The following BCL2L13 variants were observed in gnomAD, a reference collection of about 807,000 sequenced individuals.
The protein encoded by BCL2L13 is BCL2 like 13.
In BCL2L13, 13 loss-of-function variants were observed where a neutral mutation model predicts 25.8. The ratio of observed to expected loss-of-function variants is 0.50; its 90% CI spans 0.33 to 0.80. The LOEUF is 0.80. Among genes scored for constraint, BCL2L13 ranks in the 30% least tolerant of loss-of-function variants. The pLI is 0.02. For synonymous variants in BCL2L13, 244 were observed against 230.3 expected (o/e 1.06, Z -0.54); for missense variants, 504 against 574.9 (o/e 0.88, Z 1.26).
intron 3 of BCL2L13, among the ~76,000 whole-genome samples, chr22:17,684,040 C>T (rs2587072): frequency 0.14 from 21,175 of 151,942 alleles, 2,033 homozygotes; most frequent in Non-Finnish European, 0.21. Context: ...GACGACTACA[C>T]AGCATTTGCA....
At chr22:17,723,181 CCT>C (rs199583742) in intron 6 of BCL2L13, among the ~76,000 whole-genome samples, 1,822 of 152,152 alleles carry the variant, frequency 0.012, 45 homozygotes, top group African/African-American at 0.042. Context: ...TCCCTCTCTC[CCT>C]CTCTCTTTCT....
At chr22:17,639,377 C>T (rs1055971139) in intron 1 of BCL2L13, among the ~76,000 whole-genome samples, 1 of 152,240 alleles carries the variant, frequency 6.6e-6, no homozygotes, top group African/African-American at 2.4e-5. Flanking sequence ...CACTGCTGTT[C>T]TGACACCTAT....
intron 1 of BCL2L13, among the ~76,000 whole-genome samples, chr22:17,629,394 T>A (rs916755672): frequency 6.6e-6 from 1 of 152,078 alleles, no homozygotes; most frequent in Non-Finnish European, 1.5e-5. Context: ...ATGCTCAACT[T>A]CCTTATTAGG....
Position 17,702,688 on chromosome 22 carries a change from A to T in BCL2L13, c.600+302A>T, listed in dbSNP as rs941954337. 38 of 212,778 alleles carry T rather than the reference A, an allele frequency of 1.8e-4. 1 individual carries two copies. The East Asian group carries it at 3.7e-3, about 21-fold the overall frequency. 13.2% of individuals were successfully genotyped at this position (212,778 alleles called of 1,614,324 possible). A position where few individuals can be genotyped will look rare whatever the true frequency, so the allele number is the denominator to read the frequency against. ...GTTCAGTTGTTTATAAATTTTCCTT[A>T]TATGTTCTTTGACCCTTGAATTACT... is the stretch of plus-strand genomic sequence containing the variant. On this transcript the variant is annotated intron_variant, in intron 6 of 6. Transcript: ENST00000317582.
intron 2 of BCL2L13, among the ~76,000 whole-genome samples, chr22:17,656,370 G>A (rs1322656773): frequency 3.5e-5 from 1 of 28,764 alleles, no homozygotes. Flanking sequence ...TTTTTTTTTG[G>A]GACAGAGTCT....
chr22:17,651,779 C>G (rs1168104085), intron 1 of BCL2L13, among the ~76,000 whole-genome samples: 1 of 152,116 alleles, frequency 6.6e-6, no homozygotes, highest in Admixed American at 6.6e-5. Flanking sequence ...CAAGCTCCGC[C>G]TCCCGGGTTC....
intron 6 of BCL2L13, among the ~76,000 whole-genome samples, chr22:17,721,835 T>C (rs2082937437): frequency 6.6e-6 from 1 of 152,158 alleles, no homozygotes; most frequent in Non-Finnish European, 1.5e-5. Context: ...TAATTTTTTA[T>C]GTTTTTAGTA....
chr22:17,646,932 CATATAT>C (rs1170982043), intron 1 of BCL2L13, among the ~76,000 whole-genome samples: 19 of 32,440 alleles, frequency 5.9e-4, no homozygotes, highest in African/African-American at 1.7e-3. Flanking sequence ...GTATAAACTA[CATATAT>C]ATATATATAT....
chr22:17,726,630 T>G, intron 6 of BCL2L13, 47 bp from the exon 7 acceptor site: 6 of 1,567,062 alleles, frequency 3.8e-6, no homozygotes, highest in Middle Eastern at 1.7e-4. Flanking sequence ...GTTTATGTTT[T>G]AAATAGTTAC....
chr22:17,697,179 C>T (rs1201166879), intron 5 of BCL2L13, among the ~76,000 whole-genome samples: 2 of 151,940 alleles, frequency 1.3e-5, no homozygotes, highest in Admixed American at 6.6e-5. Context: ...TGGCTCATGC[C>T]TGTAATCCCA....
At chr22:17,724,865 C>A (rs1193142254) in intron 6 of BCL2L13, among the ~76,000 whole-genome samples, 2 of 152,144 alleles carry the variant, frequency 1.3e-5, no homozygotes, top group Non-Finnish European at 2.9e-5. Context: ...TGCGCCTTAC[C>A]CTCTGGGTTG....
chr22:17,689,200 C>A, intron 4 of BCL2L13, 58 bp downstream of exon 4: 2 of 1,561,292 alleles, frequency 1.3e-6, no homozygotes, highest in Non-Finnish European at 8.8e-7. Flanking sequence ...ATCTCTCATG[C>A]AGCACTGGAT....
intron 1 of BCL2L13, among the ~76,000 whole-genome samples, chr22:17,639,687 C>T (rs566568124): frequency 1.3e-5 from 2 of 152,158 alleles, no homozygotes; most frequent in African/African-American, 2.4e-5. Flanking sequence ...GCTGAGAGCC[C>T]TCCCTCCTTA....
intron 6 of BCL2L13, among the ~76,000 whole-genome samples, chr22:17,726,463 T>G (rs1426821259): frequency 6.6e-6 from 1 of 152,142 alleles, no homozygotes; most frequent in Non-Finnish European, 1.5e-5. Context: ...TAACTTAGGA[T>G]TTTTTAGTTT....
chr22:17,657,823 CTTTTTTT>C (rs71201859), intron 2 of BCL2L13, among the ~76,000 whole-genome samples: 11 of 85,770 alleles, frequency 1.3e-4, no homozygotes. Flanking sequence ...GTTGACATTT[CTTTTTTT>C]TTTTTTTTTT....
intron 4 of BCL2L13, among the ~76,000 whole-genome samples, chr22:17,691,082 C>G (rs2060090601): frequency 6.6e-6 from 1 of 151,904 alleles, no homozygotes; most frequent in African/African-American, 2.4e-5. Context: ...CCAGACTAGT[C>G]TTATAACTCC....
chr22:17,722,404 T>TGTGTGTGTGTGTGTGTGC lies in BCL2L13; in HGVS notation c.601-4257_601-4256insGCGTGTGTGTGTGTGTGT, dbSNP rs1569017642. Among the ~76,000 whole-genome samples, 64 of 151,650 alleles carry TGTGTGTGTGTGTGTGTGC rather than the reference T, an allele frequency of 4.2e-4. 1 individual carries two copies. The highest frequency in any genetic ancestry group is 1.5e-3 in the African/African-American group (60 of 41,184). On this transcript the variant is annotated intron_variant, in intron 6 of 6. Transcript: ENST00000317582. ...GTGTGTGTGTGTGTGTGTGTGTGTG[T>TGTGTGTGTGTGTGTGTGC]GTGTGTGTGTGTGTGTATGTAGAGA...
chr22:17,707,867 CTGA>C (rs2060635910), intron 6 of BCL2L13, among the ~76,000 whole-genome samples: 1 of 151,992 alleles, frequency 6.6e-6, no homozygotes, highest in African/African-American at 2.4e-5. Context: ...TAATTTGTAA[CTGA>C]TGTGACCCCC....
chr22:17,668,376 G>T (rs1470328259), intron 2 of BCL2L13, among the ~76,000 whole-genome samples: 1 of 151,640 alleles, frequency 6.6e-6, no homozygotes, highest in Non-Finnish European at 1.5e-5. Context: ...CTAATACAAG[G>T]TCATGTACAT....
Sources: allele counts gnomAD v4.1 joint callset (sites outside exome capture counted in the v4.1 genomes callset), GRCh38; gene constraint gnomAD v4.1.1; transcripts MANE v1.5; gene names NCBI Gene and HGNC (gene_info 2026-07-23, HGNC 2026-07-21).